ERGIC3: variants seen among roughly 807,000 people sequenced by gnomAD.
ERGIC3 encodes ERGIC and golgi 3, also known as endoplasmic reticulum-Golgi intermediate compartment protein 3.
ERGIC3 carries 33 observed loss-of-function variants against 54.7 expected under a neutral mutation model. That is an observed-to-expected ratio of 0.60 (90% CI 0.46 to 0.81). ERGIC3 has a LOEUF of 0.81. ERGIC3 is among the 30% of genes least tolerant of loss of function. The pLI, the probability that ERGIC3 is intolerant of heterozygous loss-of-function variation, is 0.00. For synonymous variants in ERGIC3, 186 were observed against 189.8 expected, an observed-to-expected ratio of 0.98 and a Z score of 0.16; for missense variants, 399 against 488.4, an observed-to-expected ratio of 0.82 and a Z score of 1.73.
At chr20:35,548,696 A>T (rs767605074) in intron 6 of ERGIC3, 22 bp downstream of exon 6, 2 of 1,614,214 alleles carry the variant, frequency 1.2e-6, no homozygotes, top group Non-Finnish European at 8.5e-7. Context: ...GATCAAGACA[A>T]GATAGGGCCA....
intron 4 of ERGIC3, chr20:35,544,022 CT>C (rs2064632751): frequency 1.3e-5 from 2 of 156,072 alleles, no homozygotes; most frequent in Admixed American, 7.0e-5. Context: ...TACTATCTAT[CT>C]ATCTATCTAT....
chr20:35,548,686 G>A lies in ERGIC3; in HGVS notation c.627+12G>A, dbSNP rs1367992687. On this transcript the variant is annotated intron_variant, in intron 6 of 12. Transcript: ENST00000348547. ...TGGAAGTCAATAAGGTATCAGGAGG[G>A]ATCAAGACAAGATAGGGCCAGCTGG... 1 of 1,614,246 alleles carries A rather than the reference G, an allele frequency of 6.2e-7. No homozygotes were observed. Among genetic ancestry groups the A allele is most frequent in the East Asian group, 2.2e-5 (1 of 44,892 alleles).
chr20:35,550,657 A>G (rs546222866), intron 7 of ERGIC3, among the ~76,000 whole-genome samples: 4 of 152,286 alleles, frequency 2.6e-5, no homozygotes, highest in African/African-American at 9.6e-5. Context: ...GGGCCATATC[A>G]TGCAGGGCTT....
intron 7 of ERGIC3, 152 bp downstream of exon 7, chr20:35,549,017 T>A (rs1016817501): frequency 2.0e-5 from 17 of 855,914 alleles, no homozygotes; most frequent in Non-Finnish European, 1.4e-5. Flanking sequence ...GCACAGTGGC[T>A]AAGAGCACAG....
chr20:35,542,538 A>C lies in ERGIC3; in HGVS notation c.185A>C (p.Lys62Thr). 1 of 1,614,004 alleles carries C rather than the reference A, an allele frequency of 6.2e-7. No individual in the cohort carries two copies. The highest frequency in any genetic ancestry group is 8.5e-7 in the Non-Finnish European group (1 of 1,180,016). Residue 62 changes from lysine (K) to threonine (T), a missense_variant, in exon 3 of 13, where the codon AAG (lysine) becomes ACG (threonine). Transcript: ENST00000348547. Reference protein sequence around the residue: ...TEVHPELYVDKSRGDKLKINI... With the variant: ...TEVHPELYVDTSRGDKLKINI... ...GTGCATCCTGAGCTCTACGTGGACA[A>C]GTCGCGGGGAGATAAACTGAAGATC...
chr20:35,554,965 G>A (rs1275595606), intron 7 of ERGIC3, 79 bp from the exon 8 acceptor site: 1 of 1,545,950 alleles, frequency 6.5e-7, no homozygotes, highest in Non-Finnish European at 8.9e-7. Context: ...GTGGTTTGCA[G>A]TCCAGGGGGA....
intron 4 of ERGIC3, chr20:35,545,455 T>A (rs2064643704): frequency 6.6e-6 from 1 of 151,782 alleles, no homozygotes; most frequent in Non-Finnish European, 1.5e-5. Flanking sequence ...TAATCCTAGC[T>A]ACTCAGGAGG....
chr20:35,543,909 TTCCCTG>T (rs2064631330), intron 4 of ERGIC3: 1 of 332,792 alleles, frequency 3.0e-6, no homozygotes, highest in Non-Finnish European at 6.0e-6. Flanking sequence ...TTTTTTCAGT[TTCCCTG>T]GGTCAGGAAT....
intron 7 of ERGIC3, chr20:35,554,776 T>C (rs1370717667): frequency 3.3e-6 from 2 of 599,782 alleles, no homozygotes; most frequent in South Asian, 2.0e-5. Context: ...GGCAGGGCCA[T>C]GGTGGTAGTC....
chr20:35,554,733 C>A, intron 7 of ERGIC3: 1 of 591,766 alleles, frequency 1.7e-6, no homozygotes, highest in African/African-American at 1.9e-5. Context: ...TAGTGAGAGC[C>A]CATAGTCGGT....
intron 8 of ERGIC3, among the ~76,000 whole-genome samples, chr20:35,555,596 C>A (rs867928415): frequency 2.0e-5 from 3 of 152,178 alleles, no homozygotes; most frequent in African/African-American, 7.2e-5. Context: ...CCTAGGCCTC[C>A]AGGCAAAGCC....
At chr20:35,553,020 A>AGTTTTTTTTTTTTTTTT (rs2064689668) in intron 7 of ERGIC3, among the ~76,000 whole-genome samples, 1 of 41,562 alleles carries the variant, frequency 2.4e-5, no homozygotes, top group Non-Finnish European at 4.4e-5. Context: ...AAAGCTGGGG[A>AGTTTTTTTTTTTTTTTT]TTTTTTTTTT....
At chr20:35,550,275 A>G (rs60794515) in intron 7 of ERGIC3, among the ~76,000 whole-genome samples, 25,695 of 151,932 alleles carry the variant, frequency 0.17, 2,368 homozygotes, top group South Asian at 0.3. Context: ...AGTTCAAGAT[A>G]CAGTAAGAAG....
At chr20:35,550,226 C>T (rs192515777) in intron 7 of ERGIC3, among the ~76,000 whole-genome samples, 18 of 152,096 alleles carry the variant, frequency 1.2e-4, no homozygotes, top group Non-Finnish European at 1.6e-4. Flanking sequence ...GCAGAGAGAA[C>T]AGCAAATGCA....
chr20:35,544,567 G>A (rs1281471674), intron 4 of ERGIC3: 2 of 266,810 alleles, frequency 7.5e-6, no homozygotes, highest in Non-Finnish European at 1.6e-5. Flanking sequence ...GAGACCTTGA[G>A]TAACACCATG....
Position 35,542,793 on chromosome 20 carries a change from G to A in ERGIC3, c.248-29G>A, listed in dbSNP as rs531129329. The A allele has an allele frequency of 3.9e-5, 63 of 1,613,898 alleles. No homozygotes were observed. In the South Asian group the frequency reaches 6.8e-4, roughly 17 times the overall value. On this transcript the variant is annotated intron_variant, in intron 3 of 12. Transcript: ENST00000348547. Reference sequence around the variant, plus strand: ...ACATCCCCTTGTCCCTAGGGTCCCAGTACCTTAGCCTGATTTTCCTGCTTC... The same window carrying A: ...ACATCCCCTTGTCCCTAGGGTCCCAATACCTTAGCCTGATTTTCCTGCTTC...
intron 10 of ERGIC3, 114 bp downstream of exon 10, chr20:35,556,385 T>A: frequency 8.9e-7 from 1 of 1,127,350 alleles, no homozygotes; most frequent in Non-Finnish European, 1.3e-6. Flanking sequence ...ACATGGCGAA[T>A]AAAAGACTGA....
chr20:35,556,304 G>A (rs1194802436), intron 10 of ERGIC3, 33 bp downstream of exon 10: 2 of 1,610,976 alleles, frequency 1.2e-6, no homozygotes, highest in Non-Finnish European at 8.5e-7. Flanking sequence ...AGAGTCTCCT[G>A]CGCGGTGCCA....
rs774849495 is a variant in ERGIC3, at chr20:35,542,871, G to A, written c.297G>A (p.Val99=). Residue 99 remains valine (V), a synonymous_variant, in exon 4 of 13, where the codon GTG becomes GTA. Transcript: ENST00000348547. Reference sequence around the variant, plus strand: ...TGGCCGGAGAACAGCAGCTGGATGTGGAACACAACCTGTTCAAGCAACGAC... The same window carrying A: ...TGGCCGGAGAACAGCAGCTGGATGTAGAACACAACCTGTTCAAGCAACGAC... The part of the protein sequence containing the change: ...MDVAGEQQLD[V]EHNLFKQRLD... 1.9e-6 allele frequency: 3 copies of A among 1,614,156 alleles called. No individual in the cohort carries two copies. Among genetic ancestry groups the A allele is most frequent in the Non-Finnish European group, 2.5e-6 (3 of 1,180,040 alleles).
Sources: allele counts gnomAD v4.1 joint callset (sites outside exome capture counted in the v4.1 genomes callset), GRCh38; gene constraint gnomAD v4.1.1; transcripts MANE v1.5; gene names NCBI Gene and HGNC (gene_info 2026-07-23, HGNC 2026-07-21).